The following TAFA1 variants were observed in gnomAD, a reference collection of about 807,000 sequenced individuals.
The protein encoded by TAFA1 is chemokine-like protein TAFA-1.
TAFA1 carries 4 observed loss-of-function variants against 18.5 expected under a neutral mutation model. The ratio of observed to expected loss-of-function variants is 0.22; its 90% confidence interval spans 0.11 to 0.49. TAFA1 has a LOEUF of 0.49. TAFA1 is among the 20% of genes least tolerant of loss of function. The probability of loss-of-function intolerance (pLI) is 0.98; values close to 1 mark genes in which losing one functional copy is unlikely to be tolerated. For missense variants in TAFA1, 147 were observed against 169.0 expected (o/e 0.87, Z 0.72); for synonymous variants, 56 against 55.2 (o/e 1.01, Z -0.06).
intron 2 of TAFA1, among the ~76,000 whole-genome samples, chr3:68,056,558 C>A (rs1342259697): frequency 6.6e-6 from 1 of 152,082 alleles, no homozygotes; most frequent in Non-Finnish European, 1.5e-5. Context: ...GATAAGACAG[C>A]CAATCAATAA....
At chr3:68,518,976 A>G (rs2072972527) in intron 3 of TAFA1, among the ~76,000 whole-genome samples, 1 of 152,240 alleles carries the variant, frequency 6.6e-6, no homozygotes, top group South Asian at 2.1e-4. Flanking sequence ...TTTATTTTAA[A>G]TATCAGTGAT....
chr3:67,996,490 A>C, the TAFA1 span, among the ~76,000 whole-genome samples: 40 of 152,276 alleles, frequency 2.6e-4, no homozygotes, highest in Non-Finnish European at 4.3e-4. Flanking sequence ...AATGTGCAAA[A>C]GCTTTGAGTC....
At chr3:68,213,807 A>G (rs1411733911) in intron 2 of TAFA1, among the ~76,000 whole-genome samples, 1 of 152,096 alleles carries the variant, frequency 6.6e-6, no homozygotes, top group Non-Finnish European at 1.5e-5. Flanking sequence ...ACTTCTTACC[A>G]TTGGAGCCAG....
At chr3:68,283,565 T>A (rs1298358360) in intron 2 of TAFA1, among the ~76,000 whole-genome samples, 1 of 152,218 alleles carries the variant, frequency 6.6e-6, no homozygotes, top group Non-Finnish European at 1.5e-5. Context: ...TCTAAATGCC[T>A]CTAAGCATAA....
chr3:68,388,537 C>T (rs1191651491), intron 2 of TAFA1, among the ~76,000 whole-genome samples: 3 of 151,602 alleles, frequency 2.0e-5, no homozygotes. Context: ...TTGCTGTATT[C>T]AGCTCATTTT....
At chr3:68,233,893 T>C (rs2107121338) in intron 2 of TAFA1, among the ~76,000 whole-genome samples, 1 of 152,228 alleles carries the variant, frequency 6.6e-6, no homozygotes, top group African/African-American at 2.4e-5. Flanking sequence ...TTTTAATGTC[T>C]AGAGCATTAA....
intron 2 of TAFA1, among the ~76,000 whole-genome samples, chr3:68,174,236 C>G (rs13068860): frequency 1.3e-5 from 2 of 151,964 alleles, no homozygotes; most frequent in Non-Finnish European, 2.9e-5. Flanking sequence ...TGTGGTCCAT[C>G]GCAATAGAGG....
chr3:68,509,601 C>G (rs1327255201), intron 3 of TAFA1, among the ~76,000 whole-genome samples: 1 of 152,104 alleles, frequency 6.6e-6, no homozygotes, highest in Non-Finnish European at 1.5e-5. Flanking sequence ...AAATGGAAGA[C>G]TTTTTGAAGC....
chr3:68,352,042 T>A (rs925690320), intron 2 of TAFA1, among the ~76,000 whole-genome samples: 12 of 151,964 alleles, frequency 7.9e-5, no homozygotes, highest in Non-Finnish European at 1.6e-4. Context: ...GGAATAGAGA[T>A]GTATAATCGA....
Position 68,057,667 on chromosome 3 carries a change from T to A in TAFA1, c.118+50923T>A, listed in dbSNP as rs184411489. ...AAGGGACTTTGCAGGTGTTTTTAAA[T>A]TAAGGATCTTGGTATGGGAAGATTA... On this transcript the variant is annotated intron_variant, in intron 2 of 4. Transcript: ENST00000478136. 2.4e-4 allele frequency among the ~76,000 whole-genome samples: 37 copies of A among 152,330 alleles called. No homozygotes were observed. In the East Asian group the frequency reaches 6.9e-3, roughly 29 times the overall value.
intron 2 of TAFA1, among the ~76,000 whole-genome samples, chr3:68,068,913 T>C (rs1168537764): frequency 6.6e-6 from 1 of 152,180 alleles, no homozygotes; most frequent in Non-Finnish European, 1.5e-5. Flanking sequence ...CCCCATATTA[T>C]TGTATGTGCA....
At chr3:68,001,402 T>C (rs193283523), upstream of TAFA1, among the ~76,000 whole-genome samples, 490 of 152,318 alleles carry the variant, frequency 3.2e-3, 1 homozygote, top group Middle Eastern at 0.014. Context: ...CCATTTTCTT[T>C]TTCTTACAGT....
At chr3:68,162,871 T>G (rs1197049841) in intron 2 of TAFA1, among the ~76,000 whole-genome samples, 1 of 152,208 alleles carries the variant, frequency 6.6e-6, no homozygotes. Context: ...AATGACAAAA[T>G]TTTTAGATAA....
At chr3:68,231,914 A>C (rs935262588) in intron 2 of TAFA1, among the ~76,000 whole-genome samples, 2 of 151,876 alleles carry the variant, frequency 1.3e-5, no homozygotes, top group African/African-American at 2.4e-5. Context: ...AAAGCCATAC[A>C]TTTTTTCCTT....
At chr3:68,172,368 A>T (rs922449147) in intron 2 of TAFA1, among the ~76,000 whole-genome samples, 2 of 152,194 alleles carry the variant, frequency 1.3e-5, no homozygotes, top group African/African-American at 2.4e-5. Flanking sequence ...ACCTCCTAAA[A>T]GGCTAAAACA....
In TAFA1 at chr3:68,538,708, G is replaced by T. The variant is rs772595258; in HGVS notation, c.260-48G>T. The stretch of plus-strand genomic sequence containing the variant: ...CAGAGGGACACAACGTCAGTGTTCA[G>T]GTTGTTTGGATGAATTGCAAACACA... On this transcript the variant is annotated intron_variant, in intron 3 of 4. Transcript: ENST00000478136. 16 of 1,603,870 alleles carry T rather than the reference G, an allele frequency of 1.0e-5. No homozygotes were observed. The South Asian group carries it at 1.6e-4, about 16-fold the overall frequency.
chr3:68,134,588 A>G (rs1250609162), intron 2 of TAFA1, among the ~76,000 whole-genome samples: 1 of 152,156 alleles, frequency 6.6e-6, no homozygotes, highest in Non-Finnish European at 1.5e-5. Context: ...TCTTATAGTT[A>G]GAATATTTAA....
intron 2 of TAFA1, among the ~76,000 whole-genome samples, chr3:68,016,054 G>A (rs1704563518): frequency 6.6e-6 from 1 of 152,130 alleles, no homozygotes; most frequent in Non-Finnish European, 1.5e-5. Flanking sequence ...AATTGCTGTG[G>A]TCCTTGTTTT....
chr3:68,476,217 T>C (rs1215235033), intron 3 of TAFA1, among the ~76,000 whole-genome samples: 2 of 152,186 alleles, frequency 1.3e-5, no homozygotes, highest in African/African-American at 4.8e-5. Context: ...GAAACTACCA[T>C]CAGAGTGTAC....
Sources: allele counts gnomAD v4.1 joint callset (sites outside exome capture counted in the v4.1 genomes callset), GRCh38; gene constraint gnomAD v4.1.1; transcripts MANE v1.5; gene names NCBI Gene and HGNC (gene_info 2026-07-23, HGNC 2026-07-21).